PTPRG: variants seen among roughly 807,000 people sequenced by gnomAD.
The protein encoded by PTPRG is protein tyrosine phosphatase receptor type G, also known as receptor-type tyrosine-protein phosphatase gamma.
In PTPRG, 102 loss-of-function variants were observed where a neutral mutation model predicts 165.3. The ratio of observed to expected loss-of-function variants is 0.62; its 90% CI spans 0.53 to 0.73. The LOEUF (loss-of-function observed/expected upper bound fraction) is 0.73, where lower values mean the gene tolerates loss of function less well. Ranked by LOEUF, PTPRG falls within the 30% of genes least tolerant of loss-of-function variation. The pLI, the probability that PTPRG is intolerant of heterozygous loss-of-function variation, is 0.00. For missense variants in PTPRG, 1,866 were observed against 1,861.4 expected (o/e 1.00, Z -0.05); for synonymous variants, 675 against 669.5 (o/e 1.01, Z -0.13).
At chr3:62,223,730 A>C (rs1319693857) in intron 13 of PTPRG, among the ~76,000 whole-genome samples, 1 of 152,212 alleles carries the variant, frequency 6.6e-6, no homozygotes, top group Non-Finnish European at 1.5e-5. Context: ...CTTTAGGGAA[A>C]AATGGAAAAT....
chr3:61,941,215 C>T (rs1013261568), intron 2 of PTPRG, among the ~76,000 whole-genome samples: 5 of 152,258 alleles, frequency 3.3e-5, no homozygotes, highest in Non-Finnish European at 5.9e-5. Context: ...GTCCTGCAGT[C>T]GTCCAACATG....
At chr3:62,257,245 T>C (rs1381696017) in intron 16 of PTPRG, among the ~76,000 whole-genome samples, 1 of 152,200 alleles carries the variant, frequency 6.6e-6, no homozygotes, top group Non-Finnish European at 1.5e-5. Context: ...AGTATTCCTT[T>C]TGGGTAACTG....
At chr3:61,972,014 A>G (rs1479392) in intron 2 of PTPRG, among the ~76,000 whole-genome samples, 38,243 of 152,264 alleles carry the variant, frequency 0.25, 5,200 homozygotes, top group African/African-American at 0.36. Context: ...GTGAGTGAAC[A>G]ATAGACAATA....
At chr3:61,633,463 C>T (rs1701821444) in intron 1 of PTPRG, among the ~76,000 whole-genome samples, 2 of 152,204 alleles carry the variant, frequency 1.3e-5, no homozygotes, top group Non-Finnish European at 2.9e-5. Context: ...TGATGTGAAA[C>T]ATTTTAATTT....
At chr3:62,167,351 C>T (rs1002403271) in intron 7 of PTPRG, among the ~76,000 whole-genome samples, 4 of 152,058 alleles carry the variant, frequency 2.6e-5, no homozygotes, top group Non-Finnish European at 4.4e-5. Context: ...ACTAGTATGT[C>T]GGAAGATGCC....
chr3:61,567,469 C>T (rs534036435), intron 1 of PTPRG, among the ~76,000 whole-genome samples: 9 of 152,076 alleles, frequency 5.9e-5, no homozygotes, highest in South Asian at 2.1e-4. Context: ...CCCAGAAGTT[C>T]GAGACCAGCC....
chr3:62,124,212 A>G, intron 5 of PTPRG: 1 of 962,476 alleles, frequency 1.0e-6, no homozygotes, highest in South Asian at 1.3e-5. Flanking sequence ...ATTCAGCCAC[A>G]CAGTGCTTTC....
intron 1 of PTPRG, chr3:61,743,027 A>T (rs753946623): frequency 2.0e-5 from 32 of 1,590,920 alleles, no homozygotes; most frequent in East Asian, 4.5e-5. Context: ...GTCTCCAGGA[A>T]CTTGCGGCGC....
intron 28 of PTPRG, among the ~76,000 whole-genome samples, chr3:62,283,706 G>C (rs1265663867): frequency 6.6e-6 from 1 of 152,046 alleles, no homozygotes; most frequent in East Asian, 1.9e-4. Context: ...TAATAAATTT[G>C]AAAGTGAAGC....
chr3:62,288,963 A>C (rs970648604), intron 28 of PTPRG, among the ~76,000 whole-genome samples: 4 of 152,206 alleles, frequency 2.6e-5, no homozygotes, highest in African/African-American at 9.7e-5. Context: ...AAAGAAAGAA[A>C]ATAAGCATTT....
chr3:61,814,399 T>C (rs1333263966), intron 2 of PTPRG, among the ~76,000 whole-genome samples: 2 of 152,164 alleles, frequency 1.3e-5, no homozygotes, highest in African/African-American at 4.8e-5. Context: ...GGACAGACTT[T>C]GCTAGTTTTT....
chr3:61,887,748 C>T (rs2038092995), intron 2 of PTPRG, among the ~76,000 whole-genome samples: 2 of 150,648 alleles, frequency 1.3e-5, no homozygotes, highest in African/African-American at 4.9e-5. Context: ...ATGGTTAAAT[C>T]ATCCATATTT....
At chr3:61,669,858 C>T (rs1375667405) in intron 1 of PTPRG, among the ~76,000 whole-genome samples, 1 of 152,116 alleles carries the variant, frequency 6.6e-6, no homozygotes, top group Non-Finnish European at 1.5e-5. Context: ...GCTCACAGAC[C>T]AGACACGTGC....
intron 2 of PTPRG, among the ~76,000 whole-genome samples, chr3:61,961,036 A>G (rs1432789142): frequency 1.3e-5 from 2 of 152,202 alleles, no homozygotes; most frequent in East Asian, 3.9e-4. Context: ...AGGCTTCATT[A>G]TGATGATATG....
chr3:61,905,040 C>T (rs2038607233), intron 2 of PTPRG, among the ~76,000 whole-genome samples: 1 of 151,988 alleles, frequency 6.6e-6, no homozygotes, highest in Admixed American at 6.6e-5. Context: ...TAGAAGACCT[C>T]AAAGGAGCTG....
chr3:61,853,155 A>C (rs1353079076), intron 2 of PTPRG, among the ~76,000 whole-genome samples: 3 of 152,212 alleles, frequency 2.0e-5, no homozygotes, highest in Admixed American at 6.5e-5. Context: ...TATGATGATA[A>C]GTTCTAAATA....
chr3:61,984,787 CTG>C (rs1221270954), intron 2 of PTPRG, among the ~76,000 whole-genome samples: 1 of 152,174 alleles, frequency 6.6e-6, no homozygotes, highest in Non-Finnish European at 1.5e-5. Flanking sequence ...TATTTATTGT[CTG>C]TGTCTCCTTA....
intron 2 of PTPRG, among the ~76,000 whole-genome samples, chr3:61,756,760 G>A (rs940806345): frequency 2.6e-5 from 4 of 152,120 alleles, no homozygotes; most frequent in African/African-American, 9.7e-5. Context: ...ACTGTTTAGT[G>A]CTGTGTTGTT....
intron 1 of PTPRG, among the ~76,000 whole-genome samples, chr3:61,710,585 CT>C (rs2031500328): frequency 2.0e-5 from 3 of 152,150 alleles, no homozygotes; most frequent in African/African-American, 7.2e-5. Flanking sequence ...AATTCGTAAA[CT>C]TTCTTAAAAC....
Sources: allele counts gnomAD v4.1 joint callset (sites outside exome capture counted in the v4.1 genomes callset), GRCh38; gene constraint gnomAD v4.1.1; transcripts MANE v1.5; gene names NCBI Gene and HGNC (gene_info 2026-07-23, HGNC 2026-07-21).